Variants in SLC25A21 observed in about 807,000 individuals in gnomAD.
SLC25A21 encodes solute carrier family 25 member 21, also known as mitochondrial 2-oxodicarboxylate carrier.
SLC25A21 carries 47 observed loss-of-function variants against 43.8 expected under a neutral mutation model. The ratio of observed to expected loss-of-function variants is 1.07; its 90% CI spans 0.85 to 1.37. The LOEUF (loss-of-function observed/expected upper bound fraction) is 1.37. Ranked by LOEUF, SLC25A21 falls within the 40% of genes most tolerant of loss-of-function variation. The pLI is 0.00. For synonymous variants in SLC25A21, 131 were observed against 121.3 expected, an observed-to-expected ratio of 1.08 and a Z score of -0.52; for missense variants, 352 against 350.2, an observed-to-expected ratio of 1.00 and a Z score of -0.04.
chr14:36,994,511 C>G (rs532893816), intron 1 of SLC25A21, among the ~76,000 whole-genome samples: 6 of 152,310 alleles, frequency 3.9e-5, no homozygotes, highest in Middle Eastern at 3.4e-3. Flanking sequence ...AACCTTCTGT[C>G]TGCAGTTGGA....
intron 1 of SLC25A21, among the ~76,000 whole-genome samples, chr14:37,124,069 G>A (rs1446994244): frequency 6.7e-6 from 1 of 150,366 alleles, no homozygotes. Context: ...GGAGTGCAGT[G>A]GTGCGATCTC....
At chr14:36,777,832 C>G (rs949519028) in intron 3 of SLC25A21, among the ~76,000 whole-genome samples, 7 of 152,152 alleles carry the variant, frequency 4.6e-5, no homozygotes, top group African/African-American at 9.7e-5. Context: ...ATGAGTACAT[C>G]CCCCATTCCA....
intron 2 of SLC25A21, among the ~76,000 whole-genome samples, chr14:36,854,535 G>T (rs556513984): frequency 6.6e-6 from 1 of 152,076 alleles, no homozygotes; most frequent in Admixed American, 6.5e-5. Context: ...TTCCTACATG[G>T]GCTTGTTAGA....
intron 3 of SLC25A21, among the ~76,000 whole-genome samples, chr14:36,742,176 CTCTT>C (rs756883164): frequency 3.2e-4 from 49 of 152,218 alleles, no homozygotes; most frequent in Admixed American, 5.2e-4. Flanking sequence ...TGTTTTCTTC[CTCTT>C]TCTTTTTTCA....
At chr14:36,713,010 G>A (rs986780857) in intron 6 of SLC25A21, among the ~76,000 whole-genome samples, 9 of 152,116 alleles carry the variant, frequency 5.9e-5, no homozygotes, top group Non-Finnish European at 1.2e-4. Flanking sequence ...GTCTAGAGGT[G>A]GGGGAAGGAG....
Position 36,725,587 on chromosome 14 carries a change from G to C in SLC25A21, c.421C>G (p.Arg141Gly), listed in dbSNP as rs781747771. The stretch of plus-strand genomic sequence containing the variant: ...ATGGTTACCTCTGCAAATGTGTTCC[G>C]ATTTGCTTGCAAGCCAACTTTTACT... ...EVVKVGLQAN[R>G]NTFAEQPSTV... Residue 141 changes from arginine (R) to glycine (G), a missense_variant, in exon 6 of 10, where the codon CGG becomes GGG. Physicochemically the swap from Arg to Gly is moderately radical, Grantham distance 125 (BLOSUM62 -2). Coordinates refer to ENST00000331299, the MANE Select transcript of SLC25A21 (RefSeq NM_030631.4). 6.3e-7 allele frequency: 1 copy of C among 1,585,800 alleles called. No homozygotes were observed. Among genetic ancestry groups the C allele is most frequent in the Non-Finnish European group, 8.6e-7 (1 of 1,166,454 alleles).
At chr14:36,761,256 C>G (rs1325535) in intron 3 of SLC25A21, among the ~76,000 whole-genome samples, 24,302 of 152,220 alleles carry the variant, frequency 0.16, 2,220 homozygotes, top group Middle Eastern at 0.25. Flanking sequence ...ACTACTCTCC[C>G]CGTCTGCCTT....
intron 2 of SLC25A21, among the ~76,000 whole-genome samples, chr14:36,872,593 C>T (rs1282354822): frequency 6.6e-6 from 1 of 152,164 alleles, no homozygotes; most frequent in African/African-American, 2.4e-5. Flanking sequence ...TTTCAGTTTA[C>T]TCTATGATTG....
intron 1 of SLC25A21, among the ~76,000 whole-genome samples, chr14:37,052,317 G>T (rs34592617): frequency 0.44 from 67,265 of 151,652 alleles, 17,189 homozygotes; most frequent in African/African-American, 0.72. Context: ...AGGCCTGTAG[G>T]TCCAAACCGG....
chr14:36,696,744 C>T (rs1438103869), intron 7 of SLC25A21, among the ~76,000 whole-genome samples: 14 of 152,196 alleles, frequency 9.2e-5, no homozygotes, highest in Admixed American at 2.6e-4. Flanking sequence ...TCTGTGGGAT[C>T]GGTGCTGATA....
intron 1 of SLC25A21, among the ~76,000 whole-genome samples, chr14:37,057,701 T>C (rs1423592142): frequency 6.6e-6 from 1 of 152,246 alleles, no homozygotes; most frequent in Non-Finnish European, 1.5e-5. Flanking sequence ...CTATGTTAAC[T>C]TGAATTTTCA....
At chr14:37,072,708 T>C (rs73260386) in intron 1 of SLC25A21, among the ~76,000 whole-genome samples, 32,473 of 151,944 alleles carry the variant, frequency 0.21, 8,060 homozygotes, top group African/African-American at 0.6. Flanking sequence ...GGCGCCACTA[T>C]ACTCCAGCCT....
At chr14:36,716,825 C>A (rs192439874) in intron 6 of SLC25A21, among the ~76,000 whole-genome samples, 1 of 152,172 alleles carries the variant, frequency 6.6e-6, no homozygotes, top group Non-Finnish European at 1.5e-5. Flanking sequence ...CCAGTGGGTA[C>A]AGGCTTGGGT....
chr14:37,095,260 G>A (rs1053171291), intron 1 of SLC25A21, among the ~76,000 whole-genome samples: 6 of 152,200 alleles, frequency 3.9e-5, no homozygotes, highest in African/African-American at 1.4e-4. Context: ...GCACATGCCT[G>A]TAATCCTGGC....
At chr14:36,936,964 T>C (rs938053755) in intron 1 of SLC25A21, among the ~76,000 whole-genome samples, 3 of 152,176 alleles carry the variant, frequency 2.0e-5, no homozygotes, top group Non-Finnish European at 2.9e-5. Context: ...CATAAGGTCA[T>C]GGCTAGGGTC....
chr14:37,007,413 G>T (rs1044942976), intron 1 of SLC25A21, among the ~76,000 whole-genome samples: 4 of 151,994 alleles, frequency 2.6e-5, no homozygotes, highest in Non-Finnish European at 5.9e-5. Context: ...GACCAGCCTG[G>T]CCAATATGGT....
intron 1 of SLC25A21, among the ~76,000 whole-genome samples, chr14:36,910,532 T>C (rs566787110): frequency 2.6e-5 from 4 of 152,198 alleles, no homozygotes; most frequent in South Asian, 2.1e-4. Context: ...GTGCCTGGAA[T>C]TGGAAGTGGT....
intron 1 of SLC25A21, among the ~76,000 whole-genome samples, chr14:37,047,097 T>C (rs1961602557): frequency 6.6e-6 from 1 of 152,232 alleles, no homozygotes; most frequent in South Asian, 2.1e-4. Flanking sequence ...GTCTTCCTTC[T>C]GAGACTCCTA....
intron 1 of SLC25A21, among the ~76,000 whole-genome samples, chr14:37,167,291 C>T (rs1278656180): frequency 6.6e-6 from 1 of 152,180 alleles, no homozygotes; most frequent in East Asian, 1.9e-4. Context: ...AGGTCTTCTA[C>T]ACAGTGCTTC....
Sources: allele counts gnomAD v4.1 joint callset (sites outside exome capture counted in the v4.1 genomes callset), GRCh38; gene constraint gnomAD v4.1.1; transcripts MANE v1.5; gene names NCBI Gene and HGNC (gene_info 2026-07-23, HGNC 2026-07-21).